The following KIRREL3 variants were observed in gnomAD, a reference collection of about 807,000 sequenced individuals.
KIRREL3 encodes the protein kin of IRRE-like protein 3.
KIRREL3 carries 36 observed loss-of-function variants against 89.7 expected under a neutral mutation model. The observed-to-expected ratio is 0.40, with a 90% confidence interval of 0.31 to 0.53. The LOEUF (loss-of-function observed/expected upper bound fraction) is 0.53, where lower values mean the gene tolerates loss of function less well. Among genes scored for constraint, KIRREL3 ranks in the 20% least tolerant of loss-of-function variants. KIRREL3 has a pLI of 0.49. For synonymous variants in KIRREL3, 445 were observed against 441.4 expected (o/e 1.01, Z -0.10); for missense variants, 864 against 1,056.6 (o/e 0.82, Z 2.53).
rs891378545 is a variant in KIRREL3, at chr11:126,983,114, A to G, written c.55+17341T>C. 1.4e-4 allele frequency among the ~76,000 whole-genome samples: 22 copies of G among 152,310 alleles called. No homozygotes were observed. The highest frequency in any genetic ancestry group is 9.8e-4 in the Admixed American group (15 of 15,302). The stretch of plus-strand genomic sequence containing the variant: ...TTGTACTAAGCACCTATTATTTGAT[A>G]ATCCCCATAGATATACATGGGGAAG... On this transcript the variant is annotated intron_variant, in intron 1 of 16. Coordinates refer to ENST00000525144, the MANE Select transcript of KIRREL3 (RefSeq NM_032531.4). This position sits in a 1 kb window ranked among gnomAD's most constrained non-coding sequence, Gnocchi z 4.9.
intron 1 of KIRREL3, among the ~76,000 whole-genome samples, chr11:126,939,596 G>T (rs529735194): frequency 2.1e-3 from 323 of 152,246 alleles, no homozygotes; most frequent in Non-Finnish European, 3.6e-3. Flanking sequence ...GCATCACTTC[G>T]ATTTGTGAGG....
chr11:126,504,749 C>T (rs1312573479), intron 4 of KIRREL3, among the ~76,000 whole-genome samples: 2 of 152,104 alleles, frequency 1.3e-5, no homozygotes, highest in Non-Finnish European at 1.5e-5. Flanking sequence ...TAGATAAAAA[C>T]CCTTTAAGAT....
In KIRREL3 at chr11:126,872,616, G is replaced by A. The variant is rs187858625; in HGVS notation, c.55+127839C>T. Among the ~76,000 whole-genome samples, 6 of 152,138 alleles carry A rather than the reference G, an allele frequency of 3.9e-5. No homozygotes were observed. On this transcript the variant is annotated intron_variant, in intron 1 of 16. Transcript: ENST00000525144. The surrounding 1 kb of genome is among the most constrained non-coding windows in gnomAD (Gnocchi z 4.2). ...GCCCCTCTAAGGGACCTTAGGCCTTGTTATCTTTGAAAAAATGCTCCAGAG... is the reference window on the plus strand; with the variant it reads ...GCCCCTCTAAGGGACCTTAGGCCTTATTATCTTTGAAAAAATGCTCCAGAG...
At position 126,495,773 on chromosome 11, in the gene KIRREL3, G is replaced by T. The variant is rs1957639964; in HGVS notation, c.434-22307C>A. On this transcript the variant is annotated intron_variant, in intron 4 of 16. Coordinates refer to ENST00000525144, the MANE Select transcript of KIRREL3 (RefSeq NM_032531.4). The surrounding 1 kb of genome is among the most constrained non-coding windows in gnomAD (Gnocchi z 6.5). ...CTTCTCACCGCTCTCCTTGTAAAAG[G>T]CAGTGCTGTGCAGCAGCCTGAGGAT... 6.6e-6 allele frequency among the ~76,000 whole-genome samples: 1 copy of T among 152,152 alleles called. No individual in the cohort carries two copies. The highest frequency in any genetic ancestry group is 2.1e-4 in the South Asian group (1 of 4,832).
intron 2 of KIRREL3, among the ~76,000 whole-genome samples, chr11:126,532,078 ATT>A (rs1174414845): frequency 6.6e-6 from 1 of 152,228 alleles, no homozygotes; most frequent in Non-Finnish European, 1.5e-5. Context: ...TTCATGGAAG[ATT>A]TACTTGATGC....
rs780318316 is a variant in KIRREL3 at position 126,923,113 on chromosome 11, TCTC to T, written c.55+77339_55+77341del. 4.6e-3 allele frequency among the ~76,000 whole-genome samples: 315 copies of T among 68,202 alleles called. 23 individuals carry two copies. Among genetic ancestry groups the T allele is most frequent in the African/African-American group, 0.027 (292 of 10,808 alleles). The allele number at this position is 68,202 out of a possible 152,430, so 44.7% of individuals were successfully genotyped here. ...TTCTTCTTCTTCTTCTCCTTCTCCT[TCTC>T]CTTCTCCTTCTTCTCTTCTTCTTCT... On this transcript the variant is annotated intron_variant, in intron 1 of 16. Transcript: ENST00000525144.
chr11:126,829,857 C>T (rs756234641), intron 1 of KIRREL3, among the ~76,000 whole-genome samples: 7 of 152,066 alleles, frequency 4.6e-5, no homozygotes, highest in East Asian at 1.9e-4. Flanking sequence ...ACAAGTGCGA[C>T]GGGAATGTAG....
Position 126,565,543 on chromosome 11 carries a change from T to G in KIRREL3, c.56-2631A>C, listed in dbSNP as rs1940454927. ...GCGCTAATAAGCACACTGCAGAAAT[T>G]TATTAAGTGCGAGGGCTCTCTGACT... On this transcript the variant is annotated intron_variant, in intron 1 of 16. Transcript: ENST00000525144. The surrounding 1 kb of genome is among the most constrained non-coding windows in gnomAD (Gnocchi z 5.4). Among the ~76,000 whole-genome samples the G allele has an allele frequency of 6.6e-6, 1 of 151,606 alleles. No homozygotes were observed.
At chr11:126,921,048 T>C (rs1947254750) in intron 1 of KIRREL3, among the ~76,000 whole-genome samples, 1 of 152,182 alleles carries the variant, frequency 6.6e-6, no homozygotes, top group African/African-American at 2.4e-5. Context: ...GCACAGACCA[T>C]CAAATCAGCT....
Position 126,527,058 on chromosome 11 carries a change from C to G in KIRREL3, c.134-371G>C, listed in dbSNP as rs934863630. 1.3e-5 allele frequency among the ~76,000 whole-genome samples: 2 copies of G among 152,162 alleles called. No homozygotes were observed. The highest frequency in any genetic ancestry group is 2.9e-5 in the Non-Finnish European group (2 of 68,034). ...ATGCAGTCCCACACCAGGGCAGAAACAGGAGAGAGAGAGAGAGACCTCTAG... is the reference window on the plus strand; with the variant it reads ...ATGCAGTCCCACACCAGGGCAGAAAGAGGAGAGAGAGAGAGAGACCTCTAG... On this transcript the variant is annotated intron_variant, in intron 2 of 16. Coordinates refer to ENST00000525144, the MANE Select transcript of KIRREL3 (RefSeq NM_032531.4). The surrounding 1 kb of genome is among the most constrained non-coding windows in gnomAD (Gnocchi z 4.2).
In KIRREL3 at chr11:126,761,173, A is replaced by G. The variant is rs1949656129; in HGVS notation, c.56-198261T>C. Among the ~76,000 whole-genome samples, 1 of 152,238 alleles carries G rather than the reference A, an allele frequency of 6.6e-6. No homozygotes were observed. Among genetic ancestry groups the G allele is most frequent in the South Asian group, 2.1e-4 (1 of 4,834 alleles). On this transcript the variant is annotated intron_variant, in intron 1 of 16. Transcript: ENST00000525144. This position sits in a 1 kb window ranked among gnomAD's most constrained non-coding sequence, Gnocchi z 4.4. ...AATACCTGTCTTGATCATTCTGAGA[A>G]GAATGGAAACACTGGGAAGATATGG...
intron 1 of KIRREL3, among the ~76,000 whole-genome samples, chr11:126,852,042 C>A (rs1055249911): frequency 2.6e-4 from 34 of 130,454 alleles, no homozygotes; most frequent in South Asian, 1.0e-3. Context: ...AAGGTTGGGG[C>A]TATAACCTTT....
At chr11:126,497,179 TGTGTGAGA>T (rs899796904) in intron 4 of KIRREL3, among the ~76,000 whole-genome samples, 44 of 128,432 alleles carry the variant, frequency 3.4e-4, no homozygotes, top group African/African-American at 1.2e-3. Context: ...TGTAAGAGAG[TGTGTGAGA>T]GTGTGAGTGT....
rs1260077953 is a variant in KIRREL3 at position 126,527,929 on chromosome 11, T to A, written c.134-1242A>T. 6.6e-6 allele frequency among the ~76,000 whole-genome samples: 1 copy of A among 152,142 alleles called. No homozygotes were observed. Among genetic ancestry groups the A allele is most frequent in the South Asian group, 2.1e-4 (1 of 4,820 alleles). On this transcript the variant is annotated intron_variant, in intron 2 of 16. Transcript: ENST00000525144. The surrounding 1 kb of genome is among the most constrained non-coding windows in gnomAD (Gnocchi z 4.2). ...CCACAGTTGAGTGGACAATGGAACATTGACATTCGCTGAGCATCTGGCCCA... is the reference window on the plus strand; with the variant it reads ...CCACAGTTGAGTGGACAATGGAACAATGACATTCGCTGAGCATCTGGCCCA...
chr11:126,877,657 G>T lies in KIRREL3; in HGVS notation c.55+122798C>A, dbSNP rs1945341064. On this transcript the variant is annotated intron_variant, in intron 1 of 16. Transcript: ENST00000525144. The surrounding 1 kb of genome is among the most constrained non-coding windows in gnomAD (Gnocchi z 4.9). ...TATCCCGTTTTATCAATTTTATTTG[G>T]CTAGCATAACTGGTGCATGTGCAAG... Among the ~76,000 whole-genome samples, 1 of 152,116 alleles carries T rather than the reference G, an allele frequency of 6.6e-6. No homozygotes were observed. Among genetic ancestry groups the T allele is most frequent in the African/African-American group, 2.4e-5 (1 of 41,396 alleles).
rs1158683144 is a variant in KIRREL3 at position 126,748,644 on chromosome 11, G to A, written c.56-185732C>T. On this transcript the variant is annotated intron_variant, in intron 1 of 16. Coordinates refer to ENST00000525144, the MANE Select transcript of KIRREL3 (RefSeq NM_032531.4). The surrounding 1 kb of genome is among the most constrained non-coding windows in gnomAD (Gnocchi z 4.6). ...AGAGGCCTCTGCGGGAAGGGGGCAGGGGCAGGAAGGCCAAGGCTGATTCGG... is the reference window on the plus strand; with the variant it reads ...AGAGGCCTCTGCGGGAAGGGGGCAGAGGCAGGAAGGCCAAGGCTGATTCGG... 6.6e-6 allele frequency among the ~76,000 whole-genome samples: 1 copy of A among 152,094 alleles called. No individual in the cohort carries two copies. Among genetic ancestry groups the A allele is most frequent in the Admixed American group, 6.5e-5 (1 of 15,276 alleles).
chr11:126,797,073 G>T lies in KIRREL3; in HGVS notation c.55+203382C>A, dbSNP rs1416682529. Among the ~76,000 whole-genome samples, 3 of 152,160 alleles carry T rather than the reference G, an allele frequency of 2.0e-5. No individual in the cohort carries two copies. The highest frequency in any genetic ancestry group is 7.2e-5 in the African/African-American group (3 of 41,420). On this transcript the variant is annotated intron_variant, in intron 1 of 16. Transcript: ENST00000525144. This position sits in a 1 kb window ranked among gnomAD's most constrained non-coding sequence, Gnocchi z 4.9. The stretch of plus-strand genomic sequence containing the variant: ...TTGGAGGAGCTGTCTGTTGCGGGAG[G>T]GAAGAAGAAGCCTCATTCAGATCCC...
rs985465666 is a variant in KIRREL3, at chr11:126,515,818, C to T, written c.433+5497G>A. Among the ~76,000 whole-genome samples, 7 of 152,174 alleles carry T rather than the reference C, an allele frequency of 4.6e-5. No homozygotes were observed. The highest frequency in any genetic ancestry group is 8.8e-5 in the Non-Finnish European group (6 of 68,040). ...CCCTGAAGAACCCCTCAGACTGTCA[C>T]CTACTGATTTGCCTTTTTATGTCAG... On this transcript the variant is annotated intron_variant, in intron 4 of 16. Transcript: ENST00000525144. This position sits in a 1 kb window ranked among gnomAD's most constrained non-coding sequence, Gnocchi z 4.2.
intron 1 of KIRREL3, among the ~76,000 whole-genome samples, chr11:126,774,575 G>T (rs568725168): frequency 6.6e-6 from 1 of 152,304 alleles, no homozygotes; most frequent in Non-Finnish European, 1.5e-5. Flanking sequence ...TATGCAAACG[G>T]TGGGGCTGAG....
Sources: gnomAD v4.1 joint callset for allele counts (sites outside exome capture counted in the v4.1 genomes callset) on GRCh38, gnomAD v4.1.1 for gene constraint, Gnocchi (gnomAD v3.1) non-coding constraint, MANE v1.5 for transcripts, NCBI Gene and HGNC (gene_info 2026-07-23, HGNC 2026-07-21) for gene names.